The following ERICH6B variants were observed in gnomAD, a reference collection of about 807,000 sequenced individuals.
The protein encoded by ERICH6B is glutamate-rich protein 6B.
ERICH6B carries 69 observed loss-of-function variants against 80.0 expected under a neutral mutation model. That is an observed-to-expected ratio of 0.86 (90% CI 0.71 to 1.05). The LOEUF is 1.05. Ranked by LOEUF, ERICH6B falls within the 50% of genes least tolerant of loss-of-function variation. The pLI is 0.00. For missense variants in ERICH6B, 754 were observed against 796.1 expected, an observed-to-expected ratio of 0.95 and a Z score of 0.64; for synonymous variants, 283 against 291.9, an observed-to-expected ratio of 0.97 and a Z score of 0.31.
chr13:45,606,434 G>A (rs1029376775), intron 2 of ERICH6B, among the ~76,000 whole-genome samples: 9 of 144,036 alleles, frequency 6.2e-5, no homozygotes, highest in African/African-American at 1.3e-4. Flanking sequence ...AGGCTGCCTC[G>A]CGGGGTGGTG....
intron 14 of ERICH6B, among the ~76,000 whole-genome samples, chr13:45,541,960 C>T (rs993965438): frequency 2.0e-5 from 3 of 152,238 alleles, no homozygotes; most frequent in Admixed American, 6.5e-5. Context: ...TGCCCTGGCG[C>T]GGCCTGCCCT....
chr13:45,606,435 C>T (rs1302543231), intron 2 of ERICH6B, among the ~76,000 whole-genome samples: 2 of 141,578 alleles, frequency 1.4e-5, no homozygotes, highest in African/African-American at 2.6e-5. Context: ...GGCTGCCTCG[C>T]GGGGTGGTGG....
intron 5 of ERICH6B, among the ~76,000 whole-genome samples, chr13:45,581,237 CT>C (rs1875650791): frequency 6.6e-6 from 1 of 151,906 alleles, no homozygotes; most frequent in Non-Finnish European, 1.5e-5. Context: ...CCCTTGTTTT[CT>C]GTCTTCTGGA....
intron 1 of ERICH6B, among the ~76,000 whole-genome samples, chr13:45,614,264 A>T (rs1222578029): frequency 6.6e-6 from 1 of 152,020 alleles, no homozygotes; most frequent in Non-Finnish European, 1.5e-5. Flanking sequence ...ACCCAAAGTC[A>T]CCTCGTCTGG....
intron 1 of ERICH6B, among the ~76,000 whole-genome samples, chr13:45,612,997 G>A (rs922514995): frequency 2.6e-5 from 4 of 152,182 alleles, no homozygotes; most frequent in Non-Finnish European, 5.9e-5. Context: ...AGGCAAAAGA[G>A]CTCATTTGCA....
intron 11 of ERICH6B, among the ~76,000 whole-genome samples, chr13:45,559,656 T>A (rs555729064): frequency 6.6e-6 from 1 of 152,334 alleles, no homozygotes; most frequent in Admixed American, 6.5e-5. Flanking sequence ...GTTGACCCAA[T>A]AATCATTCAG....
At chr13:45,581,055 C>A (rs1875638968) in intron 5 of ERICH6B, among the ~76,000 whole-genome samples, 1 of 152,166 alleles carries the variant, frequency 6.6e-6, no homozygotes, top group Non-Finnish European at 1.5e-5. Flanking sequence ...CATGTAGACA[C>A]ACAATGCGGT....
intron 8 of ERICH6B, among the ~76,000 whole-genome samples, chr13:45,568,766 G>A (rs766446611): frequency 2.0e-5 from 3 of 152,086 alleles, no homozygotes; most frequent in African/African-American, 7.2e-5. Context: ...AAAAGAAAAC[G>A]GGACCCATAA....
At chr13:45,565,105 G>A (rs1268973122) in intron 9 of ERICH6B, among the ~76,000 whole-genome samples, 3 of 152,164 alleles carry the variant, frequency 2.0e-5, no homozygotes, top group Non-Finnish European at 4.4e-5. Context: ...CAGAGGCAGT[G>A]GGATAACGTA....
At chr13:45,546,799 G>A (rs1437036487) in intron 13 of ERICH6B, among the ~76,000 whole-genome samples, 2 of 152,164 alleles carry the variant, frequency 1.3e-5, no homozygotes, top group Non-Finnish European at 2.9e-5. Context: ...CCTCATCGGA[G>A]TGAGAAGGTG....
chr13:45,585,043 T>C (rs1451194876), intron 5 of ERICH6B, among the ~76,000 whole-genome samples: 1 of 152,178 alleles, frequency 6.6e-6, no homozygotes, highest in East Asian at 1.9e-4. Flanking sequence ...CCAGCCTGTG[T>C]TTTACACCAA....
chr13:45,575,295 A>G (rs1448561283), intron 7 of ERICH6B, among the ~76,000 whole-genome samples: 1 of 152,218 alleles, frequency 6.6e-6, no homozygotes, highest in Non-Finnish European at 1.5e-5. Flanking sequence ...ACATTCCGGC[A>G]GAGGACTAGG....
intron 2 of ERICH6B, among the ~76,000 whole-genome samples, chr13:45,602,448 G>A (rs1025089776): frequency 6.6e-6 from 1 of 152,164 alleles, no homozygotes. Flanking sequence ...AGAAGTCCTC[G>A]GATTGAATCA....
intron 9 of ERICH6B, among the ~76,000 whole-genome samples, chr13:45,567,748 C>A (rs778879078): frequency 6.6e-6 from 1 of 152,246 alleles, no homozygotes; most frequent in African/African-American, 2.4e-5. Context: ...TGACCTGGGG[C>A]CTTGCCAGCT....
rs537258699 is a variant in ERICH6B at position 45,586,530 on chromosome 13, G to A, written c.856+533C>T. The stretch of plus-strand genomic sequence containing the variant: ...GCAATTTTGCCGGACTCTCTCCTGT[G>A]TGTCTTAGCTGTAGCCACGAAAGTT... On this transcript the variant is annotated intron_variant, in intron 5 of 14. Transcript: ENST00000298738. Among the ~76,000 whole-genome samples the A allele has an allele frequency of 3.3e-5, 5 of 152,298 alleles. No individual in the cohort carries two copies. In the South Asian group the frequency reaches 1.0e-3, roughly 32 times the overall value.
intron 5 of ERICH6B, among the ~76,000 whole-genome samples, chr13:45,585,776 G>A (rs553024369): frequency 2.0e-5 from 3 of 152,290 alleles, no homozygotes; most frequent in South Asian, 4.2e-4. Flanking sequence ...CATACAGACC[G>A]AATATACATG....
intron 9 of ERICH6B, among the ~76,000 whole-genome samples, chr13:45,565,869 A>G (rs771282855): frequency 2.0e-5 from 3 of 152,218 alleles, no homozygotes; most frequent in South Asian, 2.1e-4. Flanking sequence ...GTGACTTTGG[A>G]ACTAGGTAAC....
At chr13:45,606,549 T>TATATC (rs1566307961) in intron 2 of ERICH6B, among the ~76,000 whole-genome samples, 1 of 18,454 alleles carries the variant, frequency 5.4e-5, no homozygotes, top group Non-Finnish European at 1.5e-4. Flanking sequence ...ATATATATAT[T>TATATC]TTTTTTTTTT....
chr13:45,586,516 G>A (rs76800254), intron 5 of ERICH6B, among the ~76,000 whole-genome samples: 4,618 of 152,142 alleles, frequency 0.03, 215 homozygotes, highest in African/African-American at 0.1. Flanking sequence ...CAATTTTGCC[G>A]GACTCTCTCC....
Sources: gnomAD v4.1 joint callset for allele counts (sites outside exome capture counted in the v4.1 genomes callset) on GRCh38, gnomAD v4.1.1 for gene constraint, MANE v1.5 for transcripts, NCBI Gene and HGNC (gene_info 2026-07-23, HGNC 2026-07-21) for gene names.